The following XYLT1 variants were observed in gnomAD, a reference collection of about 807,000 sequenced individuals.
XYLT1 encodes the protein xylosyltransferase 1.
Under a neutral mutation model 91.3 loss-of-function variants are expected in XYLT1, and 36 were observed. The ratio of observed to expected loss-of-function variants is 0.39; its 90% CI spans 0.30 to 0.52. The LOEUF (loss-of-function observed/expected upper bound fraction) is 0.52. Ranked by LOEUF, XYLT1 falls within the 20% of genes least tolerant of loss-of-function variation. The pLI is 0.68. For missense variants in XYLT1, 1,242 were observed against 1,284.5 expected (o/e 0.97, Z 0.51); for synonymous variants, 588 against 532.0 (o/e 1.11, Z -1.45).
intron 5 of XYLT1, among the ~76,000 whole-genome samples, chr16:17,165,623 C>T (rs1243651355): frequency 2.6e-5 from 4 of 152,190 alleles, no homozygotes; most frequent in South Asian, 2.1e-4. Flanking sequence ...ACCTGGGAGG[C>T]GGAGGTTGAA....
intron 5 of XYLT1, among the ~76,000 whole-genome samples, chr16:17,174,991 C>T (rs112576604): frequency 0.044 from 6,713 of 152,200 alleles, 210 homozygotes; most frequent in Non-Finnish European, 0.045. Flanking sequence ...AGGCTGGTCT[C>T]GAATTCCTGA....
intron 3 of XYLT1, among the ~76,000 whole-genome samples, chr16:17,230,556 T>A (rs1596434486): frequency 6.6e-6 from 1 of 152,154 alleles, no homozygotes; most frequent in Non-Finnish European, 1.5e-5. Context: ...GATGAGAAAA[T>A]CCAAAGGCTT....
At chr16:17,396,201 C>A (rs147932759) in intron 1 of XYLT1, among the ~76,000 whole-genome samples, 2 of 152,312 alleles carry the variant, frequency 1.3e-5, no homozygotes, top group Non-Finnish European at 2.9e-5. Context: ...TAATGCCTGT[C>A]ACTCATGCAG....
chr16:17,434,940 T>C (rs913158497), intron 1 of XYLT1, among the ~76,000 whole-genome samples: 13 of 152,030 alleles, frequency 8.6e-5, no homozygotes, highest in Admixed American at 7.2e-4. Flanking sequence ...GGAGTTTTAA[T>C]GCAGATGAAA....
chr16:17,447,152 C>G (rs2036603235), intron 1 of XYLT1, among the ~76,000 whole-genome samples: 1 of 152,192 alleles, frequency 6.6e-6, no homozygotes, highest in Non-Finnish European at 1.5e-5. Flanking sequence ...TGGACTCTGC[C>G]CAACAGCCCT....
intron 1 of XYLT1, among the ~76,000 whole-genome samples, chr16:17,372,754 C>A (rs761198373): frequency 1.3e-5 from 2 of 152,154 alleles, no homozygotes; most frequent in Non-Finnish European, 2.9e-5. Context: ...TCCGTTTGAA[C>A]TTGAGCAAAT....
chr16:17,142,386 T>C (rs553476568), intron 6 of XYLT1, among the ~76,000 whole-genome samples: 9 of 151,202 alleles, frequency 6.0e-5, no homozygotes, highest in Admixed American at 4.6e-4. Flanking sequence ...TCTTTATTAA[T>C]ACATTAAATA....
intron 6 of XYLT1, among the ~76,000 whole-genome samples, chr16:17,155,844 C>T (rs147885972): frequency 1.2e-3 from 184 of 152,280 alleles, no homozygotes; most frequent in African/African-American, 4.3e-3. Flanking sequence ...TGTCCCAAGA[C>T]ATCTGGGTAC....
At chr16:17,243,566 G>T (rs2033382838) in intron 3 of XYLT1, among the ~76,000 whole-genome samples, 1 of 152,172 alleles carries the variant, frequency 6.6e-6, no homozygotes, top group African/African-American at 2.4e-5. Context: ...ATAGATTAAA[G>T]ATCAAGCAAC....
chr16:17,229,887 G>A (rs578088120), intron 3 of XYLT1, among the ~76,000 whole-genome samples: 27 of 152,284 alleles, frequency 1.8e-4, no homozygotes, highest in African/African-American at 6.5e-4. Flanking sequence ...GTTAAATTAA[G>A]ATGAGTTCAT....
chr16:17,397,320 C>T (rs915037224), intron 1 of XYLT1, among the ~76,000 whole-genome samples: 9 of 152,190 alleles, frequency 5.9e-5, no homozygotes, highest in Admixed American at 6.5e-5. Flanking sequence ...CATCACAGAA[C>T]GGTGGCTCAT....
intron 2 of XYLT1, among the ~76,000 whole-genome samples, chr16:17,305,572 C>T (rs1010628681): frequency 1.1e-4 from 17 of 152,012 alleles, no homozygotes; most frequent in East Asian, 1.9e-4. Context: ...TGCACCACCA[C>T]GCCCAGCTAA....
intron 2 of XYLT1, among the ~76,000 whole-genome samples, chr16:17,340,734 T>A (rs945150632): frequency 6.6e-6 from 1 of 152,178 alleles, no homozygotes; most frequent in Non-Finnish European, 1.5e-5. Flanking sequence ...ATCTTCCTTA[T>A]GGGAAGACTG....
intron 1 of XYLT1, among the ~76,000 whole-genome samples, chr16:17,389,413 T>C (rs1247036958): frequency 6.6e-6 from 1 of 152,226 alleles, no homozygotes; most frequent in Non-Finnish European, 1.5e-5. Flanking sequence ...ACCTCGCTAC[T>C]ATTTTTGTTT....
chr16:17,357,399 T>G (rs767407092), intron 2 of XYLT1, among the ~76,000 whole-genome samples: 1 of 152,022 alleles, frequency 6.6e-6, no homozygotes, highest in Non-Finnish European at 1.5e-5. Flanking sequence ...CTGGCTCTGT[T>G]GAACTCCAAG....
intron 1 of XYLT1, among the ~76,000 whole-genome samples, chr16:17,464,130 A>G (rs1212218124): frequency 6.6e-6 from 1 of 151,142 alleles, no homozygotes; most frequent in African/African-American, 2.5e-5. Context: ...TAGAAGGAAT[A>G]AGCTCTAGTG....
At chr16:17,406,912 A>AACAT (rs891029970) in intron 1 of XYLT1, among the ~76,000 whole-genome samples, 21 of 152,164 alleles carry the variant, frequency 1.4e-4, no homozygotes, top group African/African-American at 3.6e-4. Context: ...AAAACATAAG[A>AACAT]ACATAGTATG....
chr16:17,378,181 C>T (rs1596513013), intron 1 of XYLT1, among the ~76,000 whole-genome samples: 1 of 152,128 alleles, frequency 6.6e-6, no homozygotes, highest in Non-Finnish European at 1.5e-5. Flanking sequence ...GATTTCACTT[C>T]CCCTATAATT....
intron 1 of XYLT1, among the ~76,000 whole-genome samples, chr16:17,417,075 T>C (rs369238037): frequency 1.3e-5 from 2 of 152,248 alleles, no homozygotes; most frequent in East Asian, 3.9e-4. Context: ...CGTAACTTTG[T>C]AAGCTCAGTT....
Sources: gnomAD v4.1 joint callset for allele counts (sites outside exome capture counted in the v4.1 genomes callset) on GRCh38, gnomAD v4.1.1 for gene constraint, MANE v1.5 for transcripts, NCBI Gene and HGNC (gene_info 2026-07-23, HGNC 2026-07-21) for gene names.